PPARGC1A: variants seen among roughly 807,000 people sequenced by gnomAD.
PPARGC1A encodes peroxisome proliferator-activated receptor gamma coactivator 1-alpha.
PPARGC1A carries 25 observed loss-of-function variants against 88.7 expected under a neutral mutation model. The observed-to-expected ratio is 0.28, with a 90% CI of 0.21 to 0.39. PPARGC1A has a LOEUF of 0.39. PPARGC1A is among the 10% of genes least tolerant of loss of function. The pLI is 1.00. For missense variants in PPARGC1A, 880 were observed against 968.7 expected (o/e 0.91, Z 1.22); for synonymous variants, 363 against 355.6 (o/e 1.02, Z -0.24).
At chr4:24,312,266 T>C in the PPARGC1A span, among the ~76,000 whole-genome samples, 1 of 152,222 alleles carries the variant, frequency 6.6e-6, no homozygotes, top group African/African-American at 2.4e-5. Context: ...CCTTCTTGCC[T>C]ATAAAAGCTT....
At chr4:24,221,684 G>A in the PPARGC1A span, among the ~76,000 whole-genome samples, 1 of 152,142 alleles carries the variant, frequency 6.6e-6, no homozygotes, top group East Asian at 1.9e-4. Context: ...GAGGCAGGAG[G>A]ATCACTTGAG....
chr4:23,864,096 A>G (rs1021367476), intron 2 of PPARGC1A, among the ~76,000 whole-genome samples: 2 of 152,000 alleles, frequency 1.3e-5, no homozygotes, highest in Non-Finnish European at 2.9e-5. Context: ...TTCCCTCTTC[A>G]CTCATAGGTT....
At chr4:24,465,894 C>A in the PPARGC1A span, among the ~76,000 whole-genome samples, 1 of 152,150 alleles carries the variant, frequency 6.6e-6, no homozygotes, top group African/African-American at 2.4e-5. Flanking sequence ...ATATGTAGCA[C>A]AAGCGGAAAG....
chr4:23,901,544 A>G (rs1054712505), upstream of PPARGC1A, among the ~76,000 whole-genome samples: 1 of 142,860 alleles, frequency 7.0e-6, no homozygotes, highest in Non-Finnish European at 1.5e-5. Context: ...ACTCCGTCTC[A>G]AAAAAAAAAA....
the PPARGC1A span, among the ~76,000 whole-genome samples, chr4:24,263,312 CGA>C: frequency 6.6e-6 from 1 of 152,110 alleles, no homozygotes; most frequent in African/African-American, 2.4e-5. Flanking sequence ...AGAAGAGATG[CGA>C]GAGTGCATGG....
intron 2 of PPARGC1A, among the ~76,000 whole-genome samples, chr4:23,876,494 A>G (rs1714710669): frequency 6.6e-6 from 1 of 152,166 alleles, no homozygotes; most frequent in African/African-American, 2.4e-5. Context: ...CCAGCTATGC[A>G]TATTGTGTGA....
chr4:23,845,070 G>T (rs73243616), intron 2 of PPARGC1A, among the ~76,000 whole-genome samples: 1 of 151,428 alleles, frequency 6.6e-6, no homozygotes, highest in Non-Finnish European at 1.5e-5. Flanking sequence ...CAGGAGGGGG[G>T]TGATAGGCAA....
At chr4:24,033,410 G>GACAGAC in the PPARGC1A span, among the ~76,000 whole-genome samples, 8 of 150,954 alleles carry the variant, frequency 5.3e-5, no homozygotes, top group East Asian at 2.0e-4. Context: ...TAGACAGACA[G>GACAGAC]ACACACACAC....
the PPARGC1A span, among the ~76,000 whole-genome samples, chr4:24,433,319 T>G: frequency 6.6e-6 from 1 of 152,176 alleles, no homozygotes; most frequent in Non-Finnish European, 1.5e-5. Flanking sequence ...TTCATTTAAA[T>G]TTTTTAATAC....
the PPARGC1A span, among the ~76,000 whole-genome samples, chr4:24,412,390 TA>T: frequency 4.6e-5 from 7 of 151,988 alleles, no homozygotes; most frequent in Non-Finnish European, 8.8e-5. Flanking sequence ...TTTTAATGGT[TA>T]GGGGGAAAAA....
At chr4:23,879,397 A>G (rs560508738) in intron 2 of PPARGC1A, among the ~76,000 whole-genome samples, 1 of 152,200 alleles carries the variant, frequency 6.6e-6, no homozygotes, top group African/African-American at 2.4e-5. Context: ...AGGCAGTGGA[A>G]AGATAGAGGG....
At chr4:23,910,321 T>TATATTAACCCTATATATA in the PPARGC1A span, among the ~76,000 whole-genome samples, 2 of 13,968 alleles carry the variant, frequency 1.4e-4, no homozygotes, top group Non-Finnish European at 2.4e-4. Flanking sequence ...TAATATTATA[T>TATATTAACCCTATATATA]ATATTATATA....
At chr4:24,209,068 G>A in the PPARGC1A span, among the ~76,000 whole-genome samples, 933 of 152,258 alleles carry the variant, frequency 6.1e-3, 4 homozygotes, top group Non-Finnish European at 9.2e-3. Flanking sequence ...ACTAGGCCTT[G>A]TCGAAGTCAT....
At chr4:24,408,551 G>A in the PPARGC1A span, among the ~76,000 whole-genome samples, 1 of 152,220 alleles carries the variant, frequency 6.6e-6, no homozygotes, top group African/African-American at 2.4e-5. Flanking sequence ...CCTAGGTCAT[G>A]AGAACCTTGC....
chr4:24,209,200 G>A, the PPARGC1A span, among the ~76,000 whole-genome samples: 5 of 152,216 alleles, frequency 3.3e-5, no homozygotes, highest in Non-Finnish European at 7.3e-5. Context: ...CTCAGGAGCT[G>A]ATGGATACAG....
At chr4:24,076,156 A>T in the PPARGC1A span, among the ~76,000 whole-genome samples, 1 of 152,154 alleles carries the variant, frequency 6.6e-6, no homozygotes, top group Non-Finnish European at 1.5e-5. Flanking sequence ...TACATGGCTT[A>T]TGCTCTTCTA....
At chr4:24,198,065 T>C in the PPARGC1A span, among the ~76,000 whole-genome samples, 3 of 152,302 alleles carry the variant, frequency 2.0e-5, no homozygotes, top group East Asian at 5.8e-4. Context: ...TTCATACTTC[T>C]CAGTCTTACA....
chr4:24,448,166 C>T, the PPARGC1A span, among the ~76,000 whole-genome samples: 1 of 152,198 alleles, frequency 6.6e-6, no homozygotes, highest in South Asian at 2.1e-4. Flanking sequence ...TGTATCATTG[C>T]TCCACACTTT....
At chr4:24,470,283 C>CACACAG in the PPARGC1A span, among the ~76,000 whole-genome samples, 1 of 121,902 alleles carries the variant, frequency 8.2e-6, no homozygotes, top group Non-Finnish European at 1.8e-5. This position sits in a 1 kb window ranked among gnomAD's most constrained non-coding sequence, Gnocchi z 5.8. Context: ...CACAGACACA[C>CACACAG]ACACACACAC....
Sources: gnomAD v4.1 joint callset for allele counts (sites outside exome capture counted in the v4.1 genomes callset) on GRCh38, gnomAD v4.1.1 for gene constraint, Gnocchi (gnomAD v3.1) non-coding constraint, MANE v1.5 for transcripts, NCBI Gene and HGNC (gene_info 2026-07-23, HGNC 2026-07-21) for gene names.